LRMDA: variants seen among roughly 807,000 people sequenced by gnomAD.
LRMDA encodes leucine rich melanocyte differentiation associated.
In LRMDA, 18 loss-of-function variants were observed where a neutral mutation model predicts 29.8. That is an observed-to-expected ratio of 0.60 (90% confidence interval 0.42 to 0.90). LRMDA has a LOEUF of 0.90. Ranked by LOEUF, LRMDA falls within the 40% of genes least tolerant of loss-of-function variation. LRMDA has a pLI of 0.00. For missense variants in LRMDA, 273 were observed against 273.9 expected (o/e 1.00, Z 0.02); for synonymous variants, 125 against 109.4 (o/e 1.14, Z -0.89).
At chr10:75,802,267 G>A (rs1485822337) in intron 2 of LRMDA, among the ~76,000 whole-genome samples, 2 of 151,918 alleles carry the variant, frequency 1.3e-5, no homozygotes, top group African/African-American at 4.8e-5. Flanking sequence ...GCATTGAGCT[G>A]TAATTGTGCC....
intron 2 of LRMDA, among the ~76,000 whole-genome samples, chr10:75,784,084 A>G (rs922904921): frequency 6.6e-6 from 1 of 152,332 alleles, no homozygotes; most frequent in Admixed American, 6.5e-5. Flanking sequence ...ACTCTAGATT[A>G]TGTGTCTGGG....
chr10:75,526,552 TA>T (rs1283783512), intron 2 of LRMDA, among the ~76,000 whole-genome samples: 1 of 151,574 alleles, frequency 6.6e-6, no homozygotes, highest in African/African-American at 2.4e-5. Context: ...ATTGTTTGGT[TA>T]AAAAAATACA....
chr10:76,003,953 G>A (rs533918627), intron 2 of LRMDA, among the ~76,000 whole-genome samples: 24 of 152,316 alleles, frequency 1.6e-4, no homozygotes, highest in Non-Finnish European at 3.2e-4. Flanking sequence ...TCTAGCCCAG[G>A]TGGGGTTTTT....
chr10:75,885,681 A>G (rs1325846166), intron 2 of LRMDA, among the ~76,000 whole-genome samples: 1 of 152,216 alleles, frequency 6.6e-6, no homozygotes, highest in African/African-American at 2.4e-5. Flanking sequence ...TACACATCCA[A>G]AGCCATCAGG....
intron 6 of LRMDA, among the ~76,000 whole-genome samples, chr10:76,540,685 C>A (rs1190535760): frequency 6.6e-6 from 1 of 152,126 alleles, no homozygotes; most frequent in East Asian, 1.9e-4. Context: ...TTCACTAAAC[C>A]TTTCTAACTT....
intron 2 of LRMDA, among the ~76,000 whole-genome samples, chr10:75,756,676 C>T (rs546502833): frequency 6.6e-6 from 1 of 152,242 alleles, no homozygotes; most frequent in East Asian, 1.9e-4. Flanking sequence ...CCATTTCTCC[C>T]CTAAGCCCTT....
intron 5 of LRMDA, among the ~76,000 whole-genome samples, chr10:76,227,514 T>C (rs1180790185): frequency 3.3e-5 from 5 of 152,222 alleles, no homozygotes; most frequent in Non-Finnish European, 5.9e-5. Context: ...CAGAGTAGAA[T>C]GCAGAGGTTG....
chr10:75,849,021 T>C (rs1844687296), intron 2 of LRMDA, among the ~76,000 whole-genome samples: 1 of 152,100 alleles, frequency 6.6e-6, no homozygotes, highest in Admixed American at 6.6e-5. Context: ...AGCCAGGGTA[T>C]CTGTCCCTGT....
intron 6 of LRMDA, among the ~76,000 whole-genome samples, chr10:76,486,443 T>C (rs1842783321): frequency 6.6e-6 from 1 of 151,964 alleles, no homozygotes; most frequent in Non-Finnish European, 1.5e-5. Flanking sequence ...GGCTCTGTGC[T>C]GCACGTACAT....
intron 2 of LRMDA, among the ~76,000 whole-genome samples, chr10:75,802,522 T>G (rs901313451): frequency 6.6e-6 from 1 of 152,236 alleles, no homozygotes; most frequent in African/African-American, 2.4e-5. Context: ...ATTATAAAGC[T>G]GCCGTTCTGT....
intron 5 of LRMDA, among the ~76,000 whole-genome samples, chr10:76,219,933 C>T (rs1170123626): frequency 9.9e-5 from 15 of 152,182 alleles, no homozygotes; most frequent in Non-Finnish European, 2.1e-4. Flanking sequence ...GACCACAGTG[C>T]AATCAAACTA....
chr10:75,922,258 T>C, intron 2 of LRMDA, among the ~76,000 whole-genome samples: 1 of 152,238 alleles, frequency 6.6e-6, no homozygotes, highest in East Asian at 1.9e-4. Flanking sequence ...ACTCTGAAGC[T>C]TTCAATTGTT....
chr10:76,491,698 C>T (rs768578971), intron 6 of LRMDA, among the ~76,000 whole-genome samples: 37 of 151,880 alleles, frequency 2.4e-4, no homozygotes, highest in Non-Finnish European at 3.7e-4. Context: ...CCTTCTTATA[C>T]TTGAATATTG....
chr10:76,445,502 C>A (rs1842346137), intron 6 of LRMDA, among the ~76,000 whole-genome samples: 1 of 152,220 alleles, frequency 6.6e-6, no homozygotes, highest in Admixed American at 6.5e-5. Context: ...ACTCAGGACA[C>A]ATGCACAGCA....
chr10:75,965,595 GA>G (rs1405865918), intron 2 of LRMDA, among the ~76,000 whole-genome samples: 2 of 150,748 alleles, frequency 1.3e-5, no homozygotes, highest in African/African-American at 4.9e-5. Context: ...ACTGTGAAAA[GA>G]AAAAAAAACC....
At chr10:76,345,307 C>T (rs932084345) in intron 6 of LRMDA, among the ~76,000 whole-genome samples, 2 of 149,896 alleles carry the variant, frequency 1.3e-5, no homozygotes, top group Non-Finnish European at 3.0e-5. Context: ...CTCCTGACCT[C>T]GTGATCCGCC....
Position 75,478,254 on chromosome 10 carries a change from T to C in LRMDA, c.131+39760T>C, listed in dbSNP as rs551291773. On this transcript the variant is annotated intron_variant, in intron 2 of 6. Transcript: ENST00000611255. ...CAAAGAGAACATCATATTTAAGAGTTTGAATGTGCTGAGTGGATGCTTTGG... is the reference window on the plus strand; with the variant it reads ...CAAAGAGAACATCATATTTAAGAGTCTGAATGTGCTGAGTGGATGCTTTGG... 1.4e-4 allele frequency among the ~76,000 whole-genome samples: 21 copies of C among 152,264 alleles called. 1 individual carries two copies. The South Asian group carries it at 4.4e-3, about 32-fold the overall frequency.
intron 2 of LRMDA, among the ~76,000 whole-genome samples, chr10:75,852,704 A>C (rs1844752605): frequency 6.6e-6 from 1 of 151,970 alleles, no homozygotes; most frequent in Non-Finnish European, 1.5e-5. Context: ...CTCTGTAGAG[A>C]GATGGATGGG....
intron 2 of LRMDA, among the ~76,000 whole-genome samples, chr10:75,646,077 T>G (rs1841516836): frequency 6.7e-6 from 1 of 150,072 alleles, no homozygotes; most frequent in Admixed American, 6.7e-5. Flanking sequence ...TTCTTGGGTC[T>G]TCTCTCCCTC....
Sources: allele counts gnomAD v4.1 joint callset (sites outside exome capture counted in the v4.1 genomes callset), GRCh38; gene constraint gnomAD v4.1.1; transcripts MANE v1.5; gene names NCBI Gene and HGNC (gene_info 2026-07-23, HGNC 2026-07-21).